Variants in VWA8 observed in about 807,000 individuals in gnomAD.
VWA8 encodes the protein von Willebrand factor A domain containing 8, also known as von Willebrand factor A domain-containing protein 8.
In VWA8, 221 loss-of-function variants were observed where a neutral mutation model predicts 241.5. That is an observed-to-expected ratio of 0.91 (90% CI 0.82 to 1.02). The LOEUF (loss-of-function observed/expected upper bound fraction) is 1.02, where lower values mean the gene tolerates loss of function less well. Ranked by LOEUF, VWA8 falls within the 50% of genes least tolerant of loss-of-function variation. The pLI, the probability that VWA8 is intolerant of heterozygous loss-of-function variation, is 0.00. For synonymous variants in VWA8, 852 were observed against 827.1 expected, an observed-to-expected ratio of 1.03 and a Z score of -0.52; for missense variants, 2,322 against 2,328.7, an observed-to-expected ratio of 1.00 and a Z score of 0.06.
chr13:41,871,856 C>T (rs923262024), intron 9 of VWA8, among the ~76,000 whole-genome samples: 43 of 152,232 alleles, frequency 2.8e-4, no homozygotes, highest in Non-Finnish European at 2.5e-4. Context: ...GTATTTCTAG[C>T]TCTAGATCCC....
intron 24 of VWA8, among the ~76,000 whole-genome samples, chr13:41,723,302 A>G (rs1282063248): frequency 1.3e-5 from 2 of 152,114 alleles, no homozygotes; most frequent in Non-Finnish European, 2.9e-5. Context: ...GGCTTGAGGA[A>G]CCAACACAAA....
intron 9 of VWA8, among the ~76,000 whole-genome samples, chr13:41,881,360 GT>G (rs1179563584): frequency 1.4e-5 from 1 of 69,898 alleles, no homozygotes; most frequent in Non-Finnish European, 2.6e-5. Context: ...GAACATCATA[GT>G]TTTTTTTTGC....
intron 37 of VWA8, among the ~76,000 whole-genome samples, chr13:41,626,458 C>T (rs1340794772): frequency 2.0e-5 from 3 of 152,012 alleles, no homozygotes; most frequent in Non-Finnish European, 2.9e-5. Context: ...GCCAAACAGC[C>T]AAAACAATCC....
Position 41,581,249 on chromosome 13 carries a change from G to T in VWA8, c.5272-5411C>A, listed in dbSNP as rs912168878. ...GATCTCCTGACCTCGTGATCCGCCC[G>T]CCTCGGCCTCCCAAAGTGCTGGGAT... On this transcript the variant is annotated intron_variant, in intron 42 of 44. Transcript: ENST00000379310. Among the ~76,000 whole-genome samples, 2 of 76,734 alleles carry T rather than the reference G, an allele frequency of 2.6e-5. 1 individual carries two copies. The highest frequency in any genetic ancestry group is 2.6e-4 in the African/African-American group (2 of 7,606). 50.3% of individuals were successfully genotyped at this position (76,734 alleles called of 152,430 possible).
At chr13:41,798,710 C>T (rs1368790725) in intron 17 of VWA8, among the ~76,000 whole-genome samples, 1 of 152,074 alleles carries the variant, frequency 6.6e-6, no homozygotes, top group African/African-American at 2.4e-5. Context: ...TAACCATTGC[C>T]TCTTTGAACA....
chr13:41,651,669 A>C (rs1166531741), intron 37 of VWA8, among the ~76,000 whole-genome samples: 2 of 152,224 alleles, frequency 1.3e-5, no homozygotes, highest in African/African-American at 2.4e-5. Flanking sequence ...TATGCCATGA[A>C]ATATAATTAT....
chr13:41,623,905 A>C (rs981685972), intron 37 of VWA8, among the ~76,000 whole-genome samples: 2 of 152,128 alleles, frequency 1.3e-5, no homozygotes, highest in South Asian at 2.1e-4. Flanking sequence ...GGCATAAAAT[A>C]AGATTGATAG....
At chr13:41,586,755 C>T (rs919669652) in intron 42 of VWA8, among the ~76,000 whole-genome samples, 1 of 152,194 alleles carries the variant, frequency 6.6e-6, no homozygotes, top group Non-Finnish European at 1.5e-5. Context: ...GTAATAAAAT[C>T]TAGTCTGTCT....
At chr13:41,767,290 A>G (rs2045785526) in intron 20 of VWA8, among the ~76,000 whole-genome samples, 1 of 152,232 alleles carries the variant, frequency 6.6e-6, no homozygotes, top group South Asian at 2.1e-4. Context: ...TTGCTTTAAA[A>G]AAATCCCATC....
chr13:41,911,923 G>A, intron 3 of VWA8, 115 bp downstream of exon 3: 1 of 1,173,426 alleles, frequency 8.5e-7, no homozygotes, highest in South Asian at 3.3e-5. Context: ...TTTGATGTCA[G>A]CATTTGTTTC....
rs912748417 is a variant in VWA8 at position 41,825,090 on chromosome 13, T to C, written c.1700+5439A>G. On this transcript the variant is annotated intron_variant, in intron 14 of 44. Transcript: ENST00000379310. ...TCTTCTGTGTTCCCACAGCATTTTATACAGACCTGCAGTCTAACACTAAAA... is the reference window on the plus strand; with the variant it reads ...TCTTCTGTGTTCCCACAGCATTTTACACAGACCTGCAGTCTAACACTAAAA... Among the ~76,000 whole-genome samples, 4 of 152,220 alleles carry C rather than the reference T, an allele frequency of 2.6e-5. No homozygotes were observed. In the East Asian group the frequency reaches 7.7e-4, roughly 29 times the overall value.
At chr13:41,625,933 G>A (rs1438944195) in intron 37 of VWA8, among the ~76,000 whole-genome samples, 1 of 151,572 alleles carries the variant, frequency 6.6e-6, no homozygotes, top group African/African-American at 2.4e-5. Flanking sequence ...TCCTTTGTAG[G>A]GACGTGGATG....
chr13:41,672,990 T>C (rs1032400889), intron 36 of VWA8, among the ~76,000 whole-genome samples: 5 of 152,156 alleles, frequency 3.3e-5, no homozygotes, highest in Admixed American at 6.5e-5. Context: ...AAACTTTACA[T>C]TTACAGGCAA....
intron 17 of VWA8, among the ~76,000 whole-genome samples, chr13:41,788,981 A>G (rs1869331616): frequency 6.6e-6 from 1 of 152,092 alleles, no homozygotes; most frequent in African/African-American, 2.4e-5. Flanking sequence ...CCTTCCCTTC[A>G]CCAATATTGG....
At chr13:41,802,635 T>G (rs1870012735) in intron 17 of VWA8, among the ~76,000 whole-genome samples, 1 of 152,188 alleles carries the variant, frequency 6.6e-6, no homozygotes, top group Non-Finnish European at 1.5e-5. Context: ...TGTCTTACAA[T>G]TTGGGTACCA....
At chr13:41,714,859 A>G (rs2045338668) in intron 26 of VWA8, among the ~76,000 whole-genome samples, 1 of 151,966 alleles carries the variant, frequency 6.6e-6, no homozygotes, top group South Asian at 2.1e-4. Flanking sequence ...ACATGACATC[A>G]CGGTCAATGA....
rs59813167 is a variant in VWA8 at position 41,574,174 on chromosome 13, T to TAAAAA, written c.5370+1561_5370+1565dup. On this transcript the variant is annotated intron_variant, in intron 43 of 44. Coordinates refer to ENST00000379310, the MANE Select transcript of VWA8 (RefSeq NM_015058.2). ...ATCAACATTAAAGAAAAGTTTTCTG[T>TAAAAA]AAAAAAAAAAAAAAAGAAAACCCTA... Among the ~76,000 whole-genome samples, 19 of 137,244 alleles carry TAAAAA rather than the reference T, an allele frequency of 1.4e-4. 1 individual carries two copies. The highest frequency in any genetic ancestry group is 6.8e-4 in the South Asian group (3 of 4,400). The allele number at this position is 137,244 out of a possible 152,430, so 90.0% of individuals were successfully genotyped here.
chr13:41,737,941 G>C (rs567048694), intron 21 of VWA8, among the ~76,000 whole-genome samples: 160 of 151,792 alleles, frequency 1.1e-3, no homozygotes, highest in African/African-American at 3.8e-3. Context: ...TTGAAAAGCA[G>C]CACCAGACTA....
intron 29 of VWA8, among the ~76,000 whole-genome samples, chr13:41,693,258 A>C (rs2045192043): frequency 2.6e-5 from 4 of 151,976 alleles, no homozygotes; most frequent in South Asian, 2.1e-4. Flanking sequence ...TTTTTATGTA[A>C]AAACCATTCC....
Sources: allele counts gnomAD v4.1 joint callset (sites outside exome capture counted in the v4.1 genomes callset), GRCh38; gene constraint gnomAD v4.1.1; transcripts MANE v1.5; gene names NCBI Gene and HGNC (gene_info 2026-07-23, HGNC 2026-07-21).